Variants in CA10 observed in about 807,000 individuals in gnomAD.
CA10 encodes the protein carbonic anhydrase 10 (inactive), also known as carbonic anhydrase-related protein 10.
In CA10, 14 loss-of-function variants were observed where a neutral mutation model predicts 44.2. The observed-to-expected ratio is 0.32, with a 90% confidence interval of 0.21 to 0.50. CA10 has a LOEUF of 0.50. Among genes scored for constraint, CA10 ranks in the 20% least tolerant of loss-of-function variants. CA10 has a pLI of 0.99. For missense variants in CA10, 350 were observed against 409.7 expected (o/e 0.85, Z 1.26); for synonymous variants, 159 against 141.6 (o/e 1.12, Z -0.87).
intron 3 of CA10, among the ~76,000 whole-genome samples, chr17:51,846,852 C>T (rs530529328): frequency 6.6e-5 from 10 of 152,210 alleles, no homozygotes; most frequent in South Asian, 2.1e-4. Context: ...AGCTGTTTTG[C>T]GATCATGCCC....
At chr17:51,884,326 A>G (rs1044357284) in intron 3 of CA10, among the ~76,000 whole-genome samples, 1 of 152,088 alleles carries the variant, frequency 6.6e-6, no homozygotes, top group Non-Finnish European at 1.5e-5. Context: ...ATTGTACTCA[A>G]ATTGAAAGCA....
At chr17:51,958,926 A>G (rs1016692717) in intron 2 of CA10, among the ~76,000 whole-genome samples, 1 of 152,202 alleles carries the variant, frequency 6.6e-6, no homozygotes, top group Non-Finnish European at 1.5e-5. Context: ...AGTCTATCTG[A>G]AAATTCAGAA....
intron 2 of CA10, among the ~76,000 whole-genome samples, chr17:52,004,039 G>T (rs1237830261): frequency 6.6e-6 from 1 of 151,616 alleles, no homozygotes; most frequent in African/African-American, 2.4e-5. Context: ...CTGCTTCCTC[G>T]TTACATTAAT....
At chr17:52,052,120 G>C (rs1442461113) in intron 2 of CA10, among the ~76,000 whole-genome samples, 2 of 151,756 alleles carry the variant, frequency 1.3e-5, no homozygotes, top group Non-Finnish European at 2.9e-5. Context: ...ACATACTGGG[G>C]CCTTTCAGAG....
chr17:52,073,100 C>T (rs1351555258), intron 1 of CA10, among the ~76,000 whole-genome samples: 2 of 152,164 alleles, frequency 1.3e-5, no homozygotes, highest in East Asian at 3.8e-4. Context: ...TAAATTTATG[C>T]TTATCCCTTT....
chr17:52,102,593 C>A (rs117886529), intron 1 of CA10, among the ~76,000 whole-genome samples: 1 of 152,182 alleles, frequency 6.6e-6, no homozygotes. Flanking sequence ...GTAGGACAGA[C>A]AAAACGAGGC....
chr17:51,898,131 C>A (rs1430444176), intron 3 of CA10, among the ~76,000 whole-genome samples: 1 of 152,080 alleles, frequency 6.6e-6, no homozygotes, highest in Non-Finnish European at 1.5e-5. Context: ...GCTGGACATC[C>A]TTGTCTTGTT....
intron 2 of CA10, among the ~76,000 whole-genome samples, chr17:52,055,436 GAATAGA>G (rs1567717790): frequency 6.6e-6 from 1 of 150,806 alleles, no homozygotes; most frequent in African/African-American, 2.4e-5. Flanking sequence ...ATGTGAGAAA[GAATAGA>G]AATAATCTAG....
chr17:51,807,388 T>C (rs1461261843), intron 3 of CA10, among the ~76,000 whole-genome samples: 1 of 152,224 alleles, frequency 6.6e-6, no homozygotes, highest in African/African-American at 2.4e-5. Context: ...TTCATTTTAT[T>C]GTTAAGGAAA....
chr17:51,792,054 GAAAT>G (rs1192596907), intron 3 of CA10, among the ~76,000 whole-genome samples: 1 of 152,186 alleles, frequency 6.6e-6, no homozygotes, highest in African/African-American at 2.4e-5. Flanking sequence ...AAGTGAGAGA[GAAAT>G]AAATAAAGAG....
At chr17:51,698,827 G>A (rs1345897411) in intron 4 of CA10, among the ~76,000 whole-genome samples, 3 of 152,060 alleles carry the variant, frequency 2.0e-5, no homozygotes, top group Non-Finnish European at 4.4e-5. Context: ...TCTGTGCCTG[G>A]CTTATATCAC....
At chr17:52,134,313 A>G (rs1236348316) in intron 1 of CA10, among the ~76,000 whole-genome samples, 3 of 152,134 alleles carry the variant, frequency 2.0e-5, no homozygotes, top group Non-Finnish European at 4.4e-5. Flanking sequence ...GTAACCTTGT[A>G]CCTATTTATT....
intron 2 of CA10, among the ~76,000 whole-genome samples, chr17:51,969,895 C>T (rs900109352): frequency 6.6e-6 from 1 of 151,916 alleles, no homozygotes; most frequent in African/African-American, 2.4e-5. Flanking sequence ...CTTTCTGCCC[C>T]TTAAATGCTC....
chr17:51,926,839 A>T (rs917529366), intron 3 of CA10, among the ~76,000 whole-genome samples: 3 of 152,224 alleles, frequency 2.0e-5, no homozygotes, highest in Non-Finnish European at 4.4e-5. Context: ...AAAGTGACAC[A>T]TTTAGAAGTC....
At chr17:52,151,622 T>C (rs187647094) in intron 1 of CA10, among the ~76,000 whole-genome samples, 24 of 152,260 alleles carry the variant, frequency 1.6e-4, no homozygotes, top group African/African-American at 5.3e-4. Flanking sequence ...GAACATAGAA[T>C]AAATGATTAA....
chr17:52,104,604 C>T (rs376824911), intron 1 of CA10, among the ~76,000 whole-genome samples: 1 of 152,170 alleles, frequency 6.6e-6, no homozygotes, highest in Non-Finnish European at 1.5e-5. Flanking sequence ...CCCCTAGATC[C>T]AACCCTCTTT....
intron 3 of CA10, among the ~76,000 whole-genome samples, chr17:51,914,279 A>AT (rs1266742351): frequency 3.9e-5 from 6 of 152,050 alleles, no homozygotes; most frequent in East Asian, 1.9e-4. Flanking sequence ...CACCATTGCC[A>AT]TTTTTTACAG....
chr17:52,015,846 G>A (rs545140639), intron 2 of CA10, among the ~76,000 whole-genome samples: 2 of 152,222 alleles, frequency 1.3e-5, no homozygotes, highest in Non-Finnish European at 2.9e-5. Context: ...GTTGGCATAG[G>A]ATCTAATTGG....
chr17:52,071,585 C>T (rs1017045625), intron 2 of CA10, among the ~76,000 whole-genome samples: 16 of 152,226 alleles, frequency 1.1e-4, no homozygotes, highest in African/African-American at 3.1e-4. Context: ...AGATTGCACA[C>T]TGGCTCCTGC....
Sources: gnomAD v4.1 joint callset for allele counts (sites outside exome capture counted in the v4.1 genomes callset) on GRCh38, gnomAD v4.1.1 for gene constraint, MANE v1.5 for transcripts, NCBI Gene and HGNC (gene_info 2026-07-23, HGNC 2026-07-21) for gene names.